The following CNKSR3 variants were observed in gnomAD, a reference collection of about 807,000 sequenced individuals.
CNKSR3 encodes the protein CNKSR family member 3, also known as connector enhancer of kinase suppressor of ras 3.
In CNKSR3, 36 loss-of-function variants were observed where a neutral mutation model predicts 67.7. That is an observed-to-expected ratio of 0.53 (90% CI 0.41 to 0.70). The LOEUF (loss-of-function observed/expected upper bound fraction) is 0.70. Ranked by LOEUF, CNKSR3 falls within the 30% of genes least tolerant of loss-of-function variation. The pLI is 0.00. For synonymous variants in CNKSR3, 281 were observed against 271.4 expected (o/e 1.04, Z -0.35); for missense variants, 630 against 695.2 (o/e 0.91, Z 1.05).
chr6:154,481,893 G>C lies in CNKSR3; in HGVS notation c.52+28170C>G, dbSNP rs575449344. ...GTAACCAAAACACCAAGTCCCATCAGTGGGTTTGCTGGGGTGGCAAGCTCT... is the reference window on the plus strand; with the variant it reads ...GTAACCAAAACACCAAGTCCCATCACTGGGTTTGCTGGGGTGGCAAGCTCT... On this transcript the variant is annotated intron_variant, in intron 1 of 12. Coordinates refer to ENST00000607772, the MANE Select transcript of CNKSR3 (RefSeq NM_173515.4). 1.2e-4 allele frequency among the ~76,000 whole-genome samples: 19 copies of C among 152,312 alleles called. 1 individual carries two copies. The East Asian group carries it at 3.7e-3, about 29-fold the overall frequency.
chr6:154,504,876 T>A (rs1020366862), intron 1 of CNKSR3, among the ~76,000 whole-genome samples: 1 of 151,470 alleles, frequency 6.6e-6, no homozygotes, highest in Non-Finnish European at 1.5e-5. Context: ...AGTTTTATAA[T>A]GAGAGAGCCT....
intron 1 of CNKSR3, among the ~76,000 whole-genome samples, chr6:154,507,649 G>T (rs1013141124): frequency 6.6e-6 from 1 of 152,098 alleles, no homozygotes; most frequent in Non-Finnish European, 1.5e-5. Context: ...AACACAGAAC[G>T]TATCCAGGTC....
rs992571897 is a variant in CNKSR3, at chr6:154,405,023, G to C, written c.*1331C>G. 6.6e-6 allele frequency: 1 copy of C among 152,180 alleles called. No homozygotes were observed. Among genetic ancestry groups the C allele is most frequent in the Non-Finnish European group, 1.5e-5 (1 of 68,032 alleles). The allele number at this position is 152,180 out of a possible 1,614,324, so 9.4% of individuals were successfully genotyped here. A position where few individuals can be genotyped will look rare whatever the true frequency, so the allele number is the denominator to read the frequency against. On this transcript the variant is annotated 3_prime_UTR_variant, in exon 13 of 13. Transcript: ENST00000607772. ...TCAACAATTCCGGTGGTATGAGAAAGGGCATTTTGGAGTAGGAGATTTCGG... is the reference window on the plus strand; with the variant it reads ...TCAACAATTCCGGTGGTATGAGAAACGGCATTTTGGAGTAGGAGATTTCGG...
chr6:154,415,947 G>T (rs866469630), intron 9 of CNKSR3, among the ~76,000 whole-genome samples: 2 of 152,102 alleles, frequency 1.3e-5, no homozygotes, highest in Non-Finnish European at 2.9e-5. Context: ...TTTGGTGAAG[G>T]CCAGTGAGAC....
chr6:154,439,336 A>T (rs935372738), intron 4 of CNKSR3, among the ~76,000 whole-genome samples: 3 of 152,194 alleles, frequency 2.0e-5, no homozygotes, highest in African/African-American at 7.2e-5. Context: ...AATGTATTGA[A>T]AGAAGTGTCC....
intron 1 of CNKSR3, among the ~76,000 whole-genome samples, chr6:154,501,788 A>G (rs1787000197): frequency 6.6e-6 from 1 of 152,158 alleles, no homozygotes; most frequent in African/African-American, 2.4e-5. Context: ...TTTGTCACCC[A>G]CACATCTACC....
intron 10 of CNKSR3, among the ~76,000 whole-genome samples, chr6:154,411,993 A>G (rs1192621588): frequency 6.6e-6 from 1 of 152,238 alleles, no homozygotes; most frequent in Non-Finnish European, 1.5e-5. Flanking sequence ...TTCTAATTCT[A>G]TCTACATGTC....
chr6:154,412,979 G>C (rs1784939937), intron 10 of CNKSR3, among the ~76,000 whole-genome samples: 1 of 152,124 alleles, frequency 6.6e-6, no homozygotes, highest in Admixed American at 6.5e-5. Flanking sequence ...AAATGAGCCA[G>C]ATTGTCTAGT....
intron 1 of CNKSR3, among the ~76,000 whole-genome samples, chr6:154,472,627 G>A (rs1411341870): frequency 6.6e-6 from 1 of 152,124 alleles, no homozygotes; most frequent in Non-Finnish European, 1.5e-5. Context: ...AACCACGACT[G>A]TTTTGGTCCA....
At chr6:154,492,240 T>G (rs928582972) in intron 1 of CNKSR3, among the ~76,000 whole-genome samples, 3 of 152,224 alleles carry the variant, frequency 2.0e-5, no homozygotes, top group Non-Finnish European at 4.4e-5. Context: ...GCAACTTCAC[T>G]GCAATCCTTG....
chr6:154,487,437 A>G (rs532634617), intron 1 of CNKSR3, among the ~76,000 whole-genome samples: 8 of 152,334 alleles, frequency 5.3e-5, no homozygotes, highest in African/African-American at 1.9e-4. Flanking sequence ...TTGACTAAAC[A>G]ATGTACATAA....
chr6:154,415,019 G>C (rs1490074834), intron 9 of CNKSR3, among the ~76,000 whole-genome samples: 2 of 146,360 alleles, frequency 1.4e-5, no homozygotes, highest in East Asian at 2.1e-4. Context: ...GATTGCTTGA[G>C]CCCAGGAGGC....
intron 1 of CNKSR3, among the ~76,000 whole-genome samples, chr6:154,467,802 C>T (rs1786235735): frequency 6.6e-6 from 1 of 151,912 alleles, no homozygotes; most frequent in Non-Finnish European, 1.5e-5. Context: ...TCTTGTCGCC[C>T]AGGCTGGAGT....
intron 1 of CNKSR3, among the ~76,000 whole-genome samples, chr6:154,475,150 G>A (rs1487302729): frequency 6.6e-6 from 1 of 152,170 alleles, no homozygotes; most frequent in Non-Finnish European, 1.5e-5. Context: ...GCTAAAAAGT[G>A]GTAGAACTGG....
intron 1 of CNKSR3, among the ~76,000 whole-genome samples, chr6:154,492,920 A>T (rs1786810283): frequency 6.6e-6 from 1 of 152,146 alleles, no homozygotes; most frequent in Admixed American, 6.5e-5. Flanking sequence ...GGCCTTTCAG[A>T]ATACCCGGAA....
intron 1 of CNKSR3, among the ~76,000 whole-genome samples, chr6:154,460,082 G>A (rs562366292): frequency 1.3e-5 from 2 of 152,144 alleles, no homozygotes; most frequent in African/African-American, 4.8e-5. Flanking sequence ...GCTGAAAAAA[G>A]TCTAGCCATG....
chr6:154,441,408 A>G, intron 3 of CNKSR3, 29 bp from the exon 4 acceptor site: 1 of 1,537,696 alleles, frequency 6.5e-7, no homozygotes, highest in East Asian at 2.2e-5. Flanking sequence ...CCTCTTAAAA[A>G]GGGGTAGGGA....
rs968037758 is a variant in CNKSR3, at chr6:154,510,670, T to A, written c.-556A>T. ...TCGGGTTGCAAAGTTTCAGCTCCGG[T>A]TGCTGCAAACCGAATAAAAGAGAGG... On this transcript the variant is annotated 5_prime_UTR_variant, in exon 1 of 13. Coordinates refer to ENST00000607772, the MANE Select transcript of CNKSR3 (RefSeq NM_173515.4). The A allele has an allele frequency of 6.4e-6, 1 of 156,298 alleles. No individual in the cohort carries two copies. The highest frequency in any genetic ancestry group is 2.4e-5 in the African/African-American group (1 of 41,436). The allele number at this position is 156,298 out of a possible 1,614,324, so 9.7% of individuals were successfully genotyped here. A position where few individuals can be genotyped will look rare whatever the true frequency, so the allele number is the denominator to read the frequency against.
chr6:154,424,943 T>C (rs1785225998), intron 7 of CNKSR3, among the ~76,000 whole-genome samples: 3 of 152,190 alleles, frequency 2.0e-5, no homozygotes, highest in African/African-American at 7.2e-5. Context: ...AGCTAATTTC[T>C]GTATTTTTAG....
Sources: allele counts gnomAD v4.1 joint callset (sites outside exome capture counted in the v4.1 genomes callset), GRCh38; gene constraint gnomAD v4.1.1; transcripts MANE v1.5; gene names NCBI Gene and HGNC (gene_info 2026-07-23, HGNC 2026-07-21).